Variants in MACF1 observed in about 807,000 individuals in gnomAD.
MACF1 encodes microtubule actin crosslinking factor 1.
A neutral mutation model predicts 854.8 loss-of-function variants in MACF1; 193 were observed. That is an observed-to-expected ratio of 0.23 (90% CI 0.20 to 0.25). MACF1 has a LOEUF of 0.25. Ranked by LOEUF, MACF1 falls within the 10% of genes least tolerant of loss-of-function variation. The pLI, the probability that MACF1 is intolerant of heterozygous loss-of-function variation, is 1.00. For missense variants in MACF1, 7,722 were observed against 8,929.1 expected, an observed-to-expected ratio of 0.86 and a Z score of 5.45; for synonymous variants, 3,185 against 3,226.7, an observed-to-expected ratio of 0.99 and a Z score of 0.44.
chr1:39,086,105 G>A (rs1641668448), intron 2 of MACF1, among the ~76,000 whole-genome samples: 1 of 152,224 alleles, frequency 6.6e-6, no homozygotes, highest in South Asian at 2.1e-4. Flanking sequence ...TTTGGGATGT[G>A]TCTTATGTTT....
intron 1 of MACF1, among the ~76,000 whole-genome samples, chr1:39,222,175 AG>A (rs1337696004): frequency 6.6e-6 from 1 of 152,176 alleles, no homozygotes; most frequent in Non-Finnish European, 1.5e-5. Context: ...CCCAGGCTGG[AG>A]GGCAGTGACA....
At chr1:39,363,473 T>C (rs1182961815) in intron 49 of MACF1, among the ~76,000 whole-genome samples, 3 of 152,190 alleles carry the variant, frequency 2.0e-5, no homozygotes, top group African/African-American at 7.2e-5. Flanking sequence ...TACGTAATCC[T>C]TTGCTTTTTT....
rs539493593 is a variant in MACF1, at chr1:39,350,667, G to T, written c.10966-118G>T. Reference sequence around the variant, plus strand: ...TTTAAGCCTAAACCTGAAGCAAATTGTAGTTAGGGACTATATACAGGACTA... The same window carrying T: ...TTTAAGCCTAAACCTGAAGCAAATTTTAGTTAGGGACTATATACAGGACTA... On this transcript the variant is annotated intron_variant, in intron 42 of 100. Coordinates refer to ENST00000564288, the MANE Select transcript of MACF1 (RefSeq NM_001394062.1). 4.7e-6 allele frequency: 3 copies of T among 638,350 alleles called. No homozygotes were observed. The East Asian group carries it at 8.3e-5, about 18-fold the overall frequency. The allele number at this position is 638,350 out of a possible 1,614,324, so 39.5% of individuals were successfully genotyped here.
rs1259578082 is a variant in MACF1, at chr1:39,337,285, T to C, written c.10169T>C (p.Leu3390Ser). 2 of 1,614,028 alleles carry C rather than the reference T, an allele frequency of 1.2e-6. No individual in the cohort carries two copies. Among genetic ancestry groups the C allele is most frequent in the Non-Finnish European group, 1.7e-6 (2 of 1,180,006 alleles). ...ATGAGGACCAAACAGATTCAACCTT[T>C]GGAGCTAAACCTGGCAGAACTACAG... is the stretch of plus-strand genomic sequence containing the variant. Reference protein sequence around the residue: ...IEMRTKQIQPLELNLAELQDL... With the variant: ...IEMRTKQIQPSELNLAELQDL... The change falls in exon 38 of 101, where the codon TTG becomes TCG. Residue 3390 changes from leucine (L) to serine (S), a missense_variant. Transcript: ENST00000564288.
chr1:39,156,892 T>C (rs528733021), intron 2 of MACF1, among the ~76,000 whole-genome samples: 1 of 152,310 alleles, frequency 6.6e-6, no homozygotes, highest in Non-Finnish European at 1.5e-5. Context: ...AGTACCTTGC[T>C]GGTTCTGTTG....
intron 26 of MACF1, 31 bp downstream of exon 26, chr1:39,311,031 T>C (rs1018778816): frequency 1.3e-5 from 20 of 1,596,180 alleles, no homozygotes; most frequent in Admixed American, 1.7e-5. Context: ...GGATGCTGGT[T>C]GTGGAGTGAA....
At chr1:39,481,725 A>C (rs1264331058) in intron 99 of MACF1, among the ~76,000 whole-genome samples, 4 of 152,236 alleles carry the variant, frequency 2.6e-5, no homozygotes, top group Non-Finnish European at 4.4e-5. Context: ...AACATGGACT[A>C]GTGGCTTGTC....
intron 2 of MACF1, among the ~76,000 whole-genome samples, chr1:39,158,060 T>C (rs1002127609): frequency 6.6e-6 from 1 of 152,194 alleles, no homozygotes; most frequent in Non-Finnish European, 1.5e-5. Flanking sequence ...TTCAGGATTT[T>C]CCCCCTTTAG....
chr1:39,360,094 C>T (rs182347243), intron 47 of MACF1, among the ~76,000 whole-genome samples: 150 of 127,554 alleles, frequency 1.2e-3, no homozygotes, highest in African/African-American at 3.7e-3. Context: ...CACATATATA[C>T]ACACACACAC....
At position 39,332,964 on chromosome 1, in the gene MACF1, G is replaced by A; in HGVS notation, c.6376G>A (p.Ala2126Thr). The change falls in exon 37 of 101, where the codon GCC (alanine) becomes ACC (threonine). Residue 2126 changes from alanine to threonine, a missense_variant. Physicochemically the swap from Ala to Thr is moderately conservative, Grantham distance 58. Around this residue, in one of 15 missense-constraint regions of MACF1, gnomAD observed 1,531 missense variants for 1,601.6 expected, o/e 0.96. Transcript: ENST00000564288. ...DQTAVSVREN[A>T]SRGHLLTIPP... ...AACAGCAGTGTCTGTCAGAGAAAAT[G>A]CCAGCAGGGGACACCTCCTGACCAT... 6.2e-7 allele frequency: 1 copy of A among 1,614,104 alleles called. No homozygotes were observed. The highest frequency in any genetic ancestry group is 2.2e-5 in the East Asian group (1 of 44,872).
At chr1:39,273,836 C>T (rs1037723279) in intron 6 of MACF1, among the ~76,000 whole-genome samples, 2 of 152,118 alleles carry the variant, frequency 1.3e-5, no homozygotes, top group Admixed American at 1.3e-4. Context: ...GTAATCCGCC[C>T]GCCTCGGCTT....
chr1:39,226,206 T>C (rs1161984096), intron 1 of MACF1, among the ~76,000 whole-genome samples: 2 of 152,190 alleles, frequency 1.3e-5, no homozygotes, highest in African/African-American at 4.8e-5. Flanking sequence ...CAATAAGTAC[T>C]TAAACGTCTT....
chr1:39,360,012 AATATATATATATAT>A (rs1188839648), intron 47 of MACF1, among the ~76,000 whole-genome samples: 613 of 28,710 alleles, frequency 0.021, 17 homozygotes, highest in East Asian at 0.07. Flanking sequence ...AAAAAAAAAA[AATATATATATATAT>A]ATATATATAT....
intron 78 of MACF1, 53 bp downstream of exon 78, chr1:39,442,964 C>A: frequency 6.5e-7 from 1 of 1,532,586 alleles, no homozygotes; most frequent in Non-Finnish European, 8.9e-7. Context: ...AACAGAAAGC[C>A]TATCTAAGTC....
intron 20 of MACF1, among the ~76,000 whole-genome samples, chr1:39,296,816 AAGGAAGGAAGGAAGG>A (rs1645924532): frequency 9.4e-6 from 1 of 106,608 alleles, no homozygotes; most frequent in African/African-American, 3.4e-5. Context: ...GAAAGAAAGG[AAGGAAGGAAGGAAGG>A]AAGGAAGGAA....
chr1:39,369,509 G>A (rs1237877705), intron 50 of MACF1, among the ~76,000 whole-genome samples: 1 of 152,130 alleles, frequency 6.6e-6, no homozygotes, highest in African/African-American at 2.4e-5. Flanking sequence ...AGGATTTCTG[G>A]ATTGACATCT....
chr1:39,435,506 A>G (rs1643954938), intron 69 of MACF1, 52 bp from the exon 70 acceptor site: 1 of 1,429,844 alleles, frequency 7.0e-7, no homozygotes, highest in Non-Finnish European at 9.8e-7. Flanking sequence ...GTATCTAAAT[A>G]CATAAACTGG....
At position 39,369,996 on chromosome 1, in the gene MACF1, A is replaced by C. The variant is rs201988306; in HGVS notation, c.12939-34A>C. On this transcript the variant is annotated intron_variant, in intron 50 of 100. Coordinates refer to ENST00000564288, the MANE Select transcript of MACF1 (RefSeq NM_001394062.1). ...AGCTCAAGTTGACTTTATAAAACTT[A>C]GTCTGGCAAGTAACAAAACTGCTTC... 3 of 1,588,604 alleles carry C rather than the reference A, an allele frequency of 1.9e-6. No individual in the cohort carries two copies. The East Asian group carries it at 6.7e-5, about 36-fold the overall frequency.
chr1:39,408,694 G>T (rs1288411055), intron 58 of MACF1, among the ~76,000 whole-genome samples: 3 of 152,102 alleles, frequency 2.0e-5, no homozygotes, highest in African/African-American at 7.2e-5. Flanking sequence ...TTTGTCAGGG[G>T]ATTTGCGCCG....
Sources: allele counts gnomAD v4.1 joint callset (sites outside exome capture counted in the v4.1 genomes callset), GRCh38; gene constraint gnomAD v4.1.1; regional missense constraint gnomAD v4.1.1; transcripts MANE v1.5; gene names NCBI Gene and HGNC (gene_info 2026-07-23, HGNC 2026-07-21).